The following WIZ variants were observed in gnomAD, a reference collection of about 807,000 sequenced individuals.
WIZ encodes the protein WIZ zinc finger, also known as protein Wiz.
In WIZ, 25 loss-of-function variants were observed where a neutral mutation model predicts 140.2. That is an observed-to-expected ratio of 0.18 (90% CI 0.13 to 0.25). The LOEUF is 0.25. Ranked by LOEUF, WIZ falls within the 10% of genes least tolerant of loss-of-function variation. The pLI, the probability that WIZ is intolerant of heterozygous loss-of-function variation, is 1.00. For missense variants in WIZ, 2,231 were observed against 2,632.6 expected (o/e 0.85, Z 3.34); for synonymous variants, 1,125 against 1,154.3 (o/e 0.97, Z 0.51).
intron 2 of WIZ, among the ~76,000 whole-genome samples, chr19:15,445,753 G>C (rs915104830): frequency 7.2e-5 from 11 of 152,304 alleles, no homozygotes; most frequent in East Asian, 3.9e-4. Flanking sequence ...AGCTGCAGAG[G>C]GGGTGTGGGA....
chr19:15,440,975 G>A lies in WIZ; in HGVS notation c.279-260C>T, dbSNP rs542615737. ...CCCGCTGCATTGTGGGGGAATGTAC[G>A]GAGACCACCCCTGGGCCACACGGGG... On this transcript the variant is annotated intron_variant, in intron 3 of 12. Transcript: ENST00000673675. This position sits in a 1 kb window ranked among gnomAD's most constrained non-coding sequence, Gnocchi z 6.2. Among the ~76,000 whole-genome samples, 4 of 152,208 alleles carry A rather than the reference G, an allele frequency of 2.6e-5. No homozygotes were observed. The highest frequency in any genetic ancestry group is 4.1e-4 in the South Asian group (2 of 4,824).
rs765103139 is a variant in WIZ, at chr19:15,424,750, A to G, written c.5177T>C (p.Leu1726Pro). ...RPSLGLAPGG[L>P]AVVGRSAGGE... ...TCCGGCACTGCGGCCGACCACGGCC[A>G]GGCCCCCGGGTGCCAGCCCCAGGGA... is the stretch of plus-strand genomic sequence containing the variant. The change falls in exon 11 of 13, where the codon CTG becomes CCG. Residue 1726 changes from leucine (L) to proline (P), a missense_variant. Transcript: ENST00000673675. This position sits in a 1 kb window ranked among gnomAD's most constrained non-coding sequence, Gnocchi z 9.7. The G allele has an allele frequency of 1.9e-5, 30 of 1,570,480 alleles. No individual in the cohort carries two copies. Among genetic ancestry groups the G allele is most frequent in the Non-Finnish European group, 2.5e-5 (29 of 1,161,570 alleles).
In WIZ at chr19:15,440,295, C is replaced by G. The variant is rs904706947; in HGVS notation, c.699G>C (p.Val233=). ...CCTCCAGATCTTCTCTGCCACCCAC[C>G]ACCGCCATGTCCAGCGTCTTCGGGG... ...EDTPKTLDMA[V]VGGREDLEDL... The change falls in exon 4 of 13, where the codon GTG becomes GTC. Residue 233 remains valine (V), a synonymous_variant. Transcript: ENST00000673675. This position sits in a 1 kb window ranked among gnomAD's most constrained non-coding sequence, Gnocchi z 6.2. 1.3e-6 allele frequency: 2 copies of G among 1,498,908 alleles called. No homozygotes were observed. Among genetic ancestry groups the G allele is most frequent in the South Asian group, 1.3e-5 (1 of 78,684 alleles). The allele number at this position is 1,498,908 out of a possible 1,614,324, so 92.9% of individuals were successfully genotyped here.
chr19:15,440,485 T>C lies in WIZ; in HGVS notation c.509A>G (p.Glu170Gly). The C allele has an allele frequency of 6.5e-7, 1 of 1,535,962 alleles. No homozygotes were observed. Among genetic ancestry groups the C allele is most frequent in the Non-Finnish European group, 8.7e-7 (1 of 1,146,864 alleles). ...GSRRFLHHRG[E>G]PRLLEKHAQG... is the part of the protein sequence containing the mutation. ...GGCATGTTTCTCCAAAAGCCTTGGT[T>C]CCCCCCGGTGGTGTAAGAACCTTCT... The change falls in exon 4 of 13, where the codon GAA (glutamate) becomes GGA (glycine). Residue 170 changes from glutamate to glycine, a missense_variant. Physicochemically the swap from Glu to Gly is moderately conservative, Grantham distance 98. This residue lies in a region of WIZ where 307 missense variants were observed against 294.1 expected (regional missense o/e 1.04). Coordinates refer to ENST00000673675, the MANE Select transcript of WIZ (RefSeq NM_001371589.1). The surrounding 1 kb of genome is among the most constrained non-coding windows in gnomAD (Gnocchi z 6.2).
chr19:15,449,207 G>C (rs1227819897), intron 1 of WIZ, among the ~76,000 whole-genome samples: 2 of 152,136 alleles, frequency 1.3e-5, no homozygotes, highest in Non-Finnish European at 2.9e-5. Context: ...GGAATGAGGC[G>C]CCCTCCCCAG....
Position 15,442,998 on chromosome 19 carries a change from G to A in WIZ, c.206-250C>T, listed in dbSNP as rs1419649416. ...ACCCTCCTCTCTTTCCCCCAACCCA[G>A]CAGCCAGGGTGGTTTTTTACAAGCC... is the stretch of plus-strand genomic sequence containing the variant. On this transcript the variant is annotated intron_variant, in intron 2 of 12. Coordinates refer to ENST00000673675, the MANE Select transcript of WIZ (RefSeq NM_001371589.1). This position sits in a 1 kb window ranked among gnomAD's most constrained non-coding sequence, Gnocchi z 5.5. Among the ~76,000 whole-genome samples, 1 of 152,174 alleles carries A rather than the reference G, an allele frequency of 6.6e-6. No homozygotes were observed. The highest frequency in any genetic ancestry group is 2.4e-5 in the African/African-American group (1 of 41,440).
Position 15,422,896 on chromosome 19 carries a change from A to C in WIZ, c.*180T>G. The C allele has an allele frequency of 1.2e-6, 1 of 855,612 alleles. No homozygotes were observed. The highest frequency in any genetic ancestry group is 1.7e-6 in the Non-Finnish European group (1 of 574,922). The allele number at this position is 855,612 out of a possible 1,614,324, so 53.0% of individuals were successfully genotyped here. ...GCCCCAGAGTCCTCGGGCTGGGGGAAGGGCAGCTAGCTGGCTCCCGGCGCC... is the reference window on the plus strand; with the variant it reads ...GCCCCAGAGTCCTCGGGCTGGGGGACGGGCAGCTAGCTGGCTCCCGGCGCC... On this transcript the variant is annotated 3_prime_UTR_variant, in exon 13 of 13. Coordinates refer to ENST00000673675, the MANE Select transcript of WIZ (RefSeq NM_001371589.1).
rs530053337 is a variant in WIZ at position 15,442,110 on chromosome 19, C to T, written c.278+566G>A. Among the ~76,000 whole-genome samples, 1 of 152,098 alleles carries T rather than the reference C, an allele frequency of 6.6e-6. No individual in the cohort carries two copies. The highest frequency in any genetic ancestry group is 6.5e-5 in the Admixed American group (1 of 15,282). On this transcript the variant is annotated intron_variant, in intron 3 of 12. Transcript: ENST00000673675. This position sits in a 1 kb window ranked among gnomAD's most constrained non-coding sequence, Gnocchi z 5.5. ...GCTGAGGCAGGAGAATCGCTTGAACCCAGGAGGTGGAGGTTGCAGTGAGCC... is the reference window on the plus strand; with the variant it reads ...GCTGAGGCAGGAGAATCGCTTGAACTCAGGAGGTGGAGGTTGCAGTGAGCC...
At position 15,423,133 on chromosome 19, in the gene WIZ, G is replaced by A. The variant is rs1224110292; in HGVS notation, c.5613C>T (p.Pro1871=). 6.2e-7 allele frequency: 1 copy of A among 1,612,816 alleles called. No homozygotes were observed. The highest frequency in any genetic ancestry group is 8.5e-7 in the Non-Finnish European group (1 of 1,179,896). ...GCGGGGCCTGGGACTCCTCAGGTGGGGGGTCCGCTTTGGAGAAGTTCATCT... is the reference window on the plus strand; with the variant it reads ...GCGGGGCCTGGGACTCCTCAGGTGGAGGGTCCGCTTTGGAGAAGTTCATCT... ...ILEMNFSKAD[P]PPEESQAPQA... Residue 1871 remains proline (P), a synonymous_variant, in exon 13 of 13, where the codon CCC becomes CCT. Coordinates refer to ENST00000673675, the MANE Select transcript of WIZ (RefSeq NM_001371589.1).
At chr19:15,448,410 G>C in intron 1 of WIZ, 43 bp from the exon 2 acceptor site, 1 of 1,414,600 alleles carries the variant, frequency 7.1e-7, no homozygotes, top group Non-Finnish European at 9.6e-7. Flanking sequence ...TGGAGGAAAG[G>C]GAATCTGCCT....
rs1183037474 is a variant in WIZ, at chr19:15,428,677, G to A, written c.3416-169C>T. On this transcript the variant is annotated intron_variant, in intron 7 of 12. Coordinates refer to ENST00000673675, the MANE Select transcript of WIZ (RefSeq NM_001371589.1). The surrounding 1 kb of genome is among the most constrained non-coding windows in gnomAD (Gnocchi z 6.4). ...TGGGAAGCAGGACATCCTGTTTCCT[G>A]CCTAGCCCTTTGGCATCGAGGGGAG... 6.6e-6 allele frequency among the ~76,000 whole-genome samples: 1 copy of A among 152,182 alleles called. No individual in the cohort carries two copies. Among genetic ancestry groups the A allele is most frequent in the Admixed American group, 6.5e-5 (1 of 15,286 alleles).
rs1041034979 is a variant in WIZ at position 15,440,404 on chromosome 19, T to TG, written c.589dup (p.Gln197ProfsTer96). 2 of 1,535,562 alleles carry TG rather than the reference T, an allele frequency of 1.3e-6. No homozygotes were observed. The highest frequency in any genetic ancestry group is 2.7e-5 in the African/African-American group (2 of 72,972). ...CAGGTCCAAGTGCAGCCCTGCGTCC[T>TG]GGGGGGATCCCTGCTCGTCCTCATC... is the stretch of plus-strand genomic sequence containing the variant. On this transcript the variant is annotated frameshift_variant, in exon 4 of 13. Transcript: ENST00000673675. LOFTEE classifies it high-confidence loss of function. The surrounding 1 kb of genome is among the most constrained non-coding windows in gnomAD (Gnocchi z 6.2).
Position 15,424,224 on chromosome 19 carries a change from T to G in WIZ, c.5469A>C (p.Ser1823=), listed in dbSNP as rs1434335401. The G allele has an allele frequency of 6.4e-7, 1 of 1,567,178 alleles. No homozygotes were observed. Among genetic ancestry groups the G allele is most frequent in the Admixed American group, 2.0e-5 (1 of 51,236 alleles). The change falls in exon 12 of 13, where the codon TCA becomes TCC. Residue 1823 remains serine, a synonymous_variant. Coordinates refer to ENST00000673675, the MANE Select transcript of WIZ (RefSeq NM_001371589.1). This position sits in a 1 kb window ranked among gnomAD's most constrained non-coding sequence, Gnocchi z 9.7. Reference sequence around the variant, plus strand: ...AGATGTTGCCCACGAACTTGACAAGTGATGTCTGGGGGGGCCGGGGCACCA... The same window carrying G: ...AGATGTTGCCCACGAACTTGACAAGGGATGTCTGGGGGGGCCGGGGCACCA... The part of the protein sequence containing the change: ...PSLVPRPPQT[S]LVKFVGNIYT...
chr19:15,429,684 T>C lies in WIZ; in HGVS notation c.3317A>G (p.Asn1106Ser). 1 of 1,433,418 alleles carries C rather than the reference T, an allele frequency of 7.0e-7. No individual in the cohort carries two copies. Among genetic ancestry groups the C allele is most frequent in the Non-Finnish European group, 9.1e-7 (1 of 1,096,674 alleles). 88.8% of individuals were successfully genotyped at this position (1,433,418 alleles called of 1,614,324 possible). A position where few individuals can be genotyped will look rare whatever the true frequency, so the allele number is the denominator to read the frequency against. ...CAGCTGGGGGCTCTTGTCCTCAGGA[T>C]TCTTAGGGGTAGGGGAGCCCGCCAG... The part of the protein sequence containing the change: ...LALAGSPTPK[N>S]PEDKSPQLSL... Residue 1106 changes from asparagine to serine, a missense_variant, in exon 7 of 13, where the codon AAT (asparagine) becomes AGT (serine). By Grantham distance (46) the Asn-to-Ser change is conservative (BLOSUM62 1). This residue lies in a region of WIZ where 163 missense variants were observed against 166.8 expected (regional missense o/e 0.98). Transcript: ENST00000673675.
chr19:15,426,439 A>G (rs1968826834), intron 9 of WIZ, among the ~76,000 whole-genome samples: 1 of 152,180 alleles, frequency 6.6e-6, no homozygotes, highest in Non-Finnish European at 1.5e-5. Context: ...TAAGTGCTTT[A>G]TCCCACTTAA....
intron 5 of WIZ, chr19:15,432,646 C>CATATTATTTCTATAGATAGG: frequency 6.7e-6 from 1 of 149,230 alleles, no homozygotes; most frequent in Non-Finnish European, 1.5e-5. Context: ...CGCGCGCGGC[C>CATATTATTTCTATAGATAGG]CCGCCGCCGC....
chr19:15,425,316 C>G lies in WIZ; in HGVS notation c.4819G>C (p.Val1607Leu), dbSNP rs750841660. ...GTCTGGATGTAGGTCTTGGCCTTGA[C>G]CTCTGCTGGGAGGAGGCGGTCCTCC... ...LQEDRLLPAE[V>L]KAKTYIQTEL... is the part of the protein sequence containing the mutation. The change falls in exon 10 of 13, where the codon GTC (valine) becomes CTC (leucine). Residue 1607 changes from valine (V) to leucine (L), a missense_variant. Transcript: ENST00000673675. 11 of 1,581,410 alleles carry G rather than the reference C, an allele frequency of 7.0e-6. No individual in the cohort carries two copies. In the East Asian group the frequency reaches 2.6e-4, roughly 37 times the overall value.
chr19:15,448,013 A>G (rs1969977284), intron 2 of WIZ, 90 bp downstream of exon 2: 2 of 1,465,416 alleles, frequency 1.4e-6, no homozygotes, highest in South Asian at 1.2e-5. Context: ...ATCCCAGCTC[A>G]GCCGCTGCTG....
At chr19:15,433,227 G>A in intron 5 of WIZ, 1 of 984,130 alleles carries the variant, frequency 1.0e-6, no homozygotes, top group Non-Finnish European at 1.2e-6. Flanking sequence ...CCCCGACGGT[G>A]CCGTTCCGCA....
Sources: allele counts gnomAD v4.1 joint callset (sites outside exome capture counted in the v4.1 genomes callset), GRCh38; gene constraint gnomAD v4.1.1; regional missense constraint gnomAD v4.1.1; non-coding constraint Gnocchi (gnomAD v3.1); transcripts MANE v1.5; gene names NCBI Gene and HGNC (gene_info 2026-07-23, HGNC 2026-07-21).